DDAH1: variants seen among roughly 807,000 people sequenced by gnomAD.
DDAH1 encodes the protein N(G),N(G)-dimethylarginine dimethylaminohydrolase 1.
In DDAH1, 19 loss-of-function variants were observed where a neutral mutation model predicts 28.8. The ratio of observed to expected loss-of-function variants is 0.66; its 90% confidence interval spans 0.46 to 0.97. The LOEUF (loss-of-function observed/expected upper bound fraction) is 0.97, where lower values mean the gene tolerates loss of function less well. Ranked by LOEUF, DDAH1 falls within the 50% of genes least tolerant of loss-of-function variation. DDAH1 has a pLI of 0.00. For missense variants in DDAH1, 326 were observed against 375.9 expected, an observed-to-expected ratio of 0.87 and a Z score of 1.10; for synonymous variants, 153 against 154.4, an observed-to-expected ratio of 0.99 and a Z score of 0.07.
At chr1:85,324,912 A>C in intron 4 of DDAH1, 29 bp from the exon 5 acceptor site, 1 of 1,611,314 alleles carries the variant, frequency 6.2e-7, no homozygotes, top group Non-Finnish European at 8.5e-7. Flanking sequence ...CAGGCCTAAG[A>C]AGAGTAACTC....
chr1:85,576,496 G>A (rs1399464455), intron 1 of DDAH1, among the ~76,000 whole-genome samples: 1 of 152,176 alleles, frequency 6.6e-6, no homozygotes, highest in Non-Finnish European at 1.5e-5. Context: ...TGTCCCTTCT[G>A]GGGATAATGG....
intron 1 of DDAH1, among the ~76,000 whole-genome samples, chr1:85,528,357 C>T (rs2604084): frequency 1.3e-5 from 2 of 152,000 alleles, no homozygotes; most frequent in East Asian, 1.9e-4. Flanking sequence ...GGTCATGACC[C>T]GGAGTTTGGA....
chr1:85,498,048 T>C (rs923160609), intron 1 of DDAH1, among the ~76,000 whole-genome samples: 1 of 152,202 alleles, frequency 6.6e-6, no homozygotes, highest in African/African-American at 2.4e-5. Flanking sequence ...CAAATTATAC[T>C]TCATTAATAG....
chr1:85,544,512 C>A (rs1658561100), intron 1 of DDAH1, among the ~76,000 whole-genome samples: 1 of 152,144 alleles, frequency 6.6e-6, no homozygotes, highest in South Asian at 2.1e-4. Context: ...CCAGTGAATG[C>A]CTAACTCTGT....
intron 1 of DDAH1, among the ~76,000 whole-genome samples, chr1:85,419,375 C>T (rs1653028197): frequency 6.6e-6 from 1 of 151,730 alleles, no homozygotes; most frequent in African/African-American, 2.4e-5. Flanking sequence ...CCTGTCTCTA[C>T]TAAAAACACA....
intron 1 of DDAH1, among the ~76,000 whole-genome samples, chr1:85,573,946 C>T (rs1659527120): frequency 6.6e-6 from 1 of 152,200 alleles, no homozygotes; most frequent in African/African-American, 2.4e-5. Flanking sequence ...TAGAGATATT[C>T]AGTCCAGAGA....
At chr1:85,456,949 G>C (rs575853459) in intron 1 of DDAH1, among the ~76,000 whole-genome samples, 4 of 152,250 alleles carry the variant, frequency 2.6e-5, no homozygotes, top group African/African-American at 9.6e-5. Context: ...GTCAACTCCA[G>C]AGTGGGCTAC....
chr1:85,551,477 A>G (rs1381153333), intron 1 of DDAH1, among the ~76,000 whole-genome samples: 1 of 152,212 alleles, frequency 6.6e-6, no homozygotes, highest in African/African-American at 2.4e-5. Flanking sequence ...TTGCTCATTC[A>G]GAGTGTTAGG....
chr1:85,470,798 T>C (rs979678879), intron 2 of DDAH1, among the ~76,000 whole-genome samples: 1 of 152,148 alleles, frequency 6.6e-6, no homozygotes, highest in African/African-American at 2.4e-5. Flanking sequence ...ACACATAGCC[T>C]CCTAATCTCA....
intron 1 of DDAH1, among the ~76,000 whole-genome samples, chr1:85,450,686 C>T (rs898946917): frequency 1.3e-5 from 2 of 152,152 alleles, no homozygotes; most frequent in Non-Finnish European, 2.9e-5. Context: ...AGGTATTTTA[C>T]AGGAAACTGA....
In DDAH1 at chr1:85,464,069, G is replaced by A. The variant is rs190932178; in HGVS notation, c.303+674C>T. On this transcript the variant is annotated intron_variant, in intron 1 of 5. Coordinates refer to ENST00000284031, the MANE Select transcript of DDAH1 (RefSeq NM_012137.4). The surrounding 1 kb of genome is among the most constrained non-coding windows in gnomAD (Gnocchi z 4.4). The stretch of plus-strand genomic sequence containing the variant: ...GAAACAACCATCTCTAATTAAACAC[G>A]CTCGCTAGCACACACACCCAACACC... Among the ~76,000 whole-genome samples, 1 of 152,270 alleles carries A rather than the reference G, an allele frequency of 6.6e-6. No homozygotes were observed. The highest frequency in any genetic ancestry group is 2.4e-5 in the African/African-American group (1 of 41,542).
intron 4 of DDAH1, among the ~76,000 whole-genome samples, chr1:85,347,870 A>C (rs1053189870): frequency 6.6e-6 from 1 of 152,204 alleles, no homozygotes; most frequent in Non-Finnish European, 1.5e-5. Context: ...TGCAAACCTG[A>C]GTTTCACCAA....
At chr1:85,422,390 A>G (rs569272618) in intron 1 of DDAH1, among the ~76,000 whole-genome samples, 14 of 152,238 alleles carry the variant, frequency 9.2e-5, no homozygotes, top group African/African-American at 3.4e-4. Flanking sequence ...CATAGAGCAG[A>G]AGTTTTTAAT....
At chr1:85,337,486 C>T (rs933912439) in intron 4 of DDAH1, among the ~76,000 whole-genome samples, 7 of 150,716 alleles carry the variant, frequency 4.6e-5, no homozygotes, top group South Asian at 2.1e-4. Context: ...TGTAGTCTCA[C>T]TCTGTCACCC....
At chr1:85,565,732 A>G (rs1659277718) in intron 1 of DDAH1, among the ~76,000 whole-genome samples, 1 of 152,242 alleles carries the variant, frequency 6.6e-6, no homozygotes, top group African/African-American at 2.4e-5. Context: ...AATGGTAAAT[A>G]TAAAAGACTT....
intron 4 of DDAH1, among the ~76,000 whole-genome samples, chr1:85,346,816 G>C (rs938862455): frequency 1.3e-5 from 2 of 152,088 alleles, no homozygotes; most frequent in African/African-American, 4.8e-5. Flanking sequence ...ACTATCATCG[G>C]AGTGAACAGG....
At chr1:85,444,590 G>T (rs766210585) in intron 1 of DDAH1, among the ~76,000 whole-genome samples, 3 of 152,160 alleles carry the variant, frequency 2.0e-5, no homozygotes, top group Non-Finnish European at 4.4e-5. Context: ...CTACAATGTG[G>T]CCCCACAGGG....
At chr1:85,531,164 A>G (rs1460445155) in intron 1 of DDAH1, among the ~76,000 whole-genome samples, 1 of 152,188 alleles carries the variant, frequency 6.6e-6, no homozygotes, top group African/African-American at 2.4e-5. Context: ...CTACTCTCAC[A>G]GTTAACAGTT....
chr1:85,452,749 C>T (rs1385620621), intron 1 of DDAH1, among the ~76,000 whole-genome samples: 3 of 152,140 alleles, frequency 2.0e-5, no homozygotes, highest in Non-Finnish European at 4.4e-5. Context: ...CATAAAAGCC[C>T]ATCCCAATGA....
Sources: gnomAD v4.1 joint callset for allele counts (sites outside exome capture counted in the v4.1 genomes callset) on GRCh38, gnomAD v4.1.1 for gene constraint, Gnocchi (gnomAD v3.1) non-coding constraint, MANE v1.5 for transcripts, NCBI Gene and HGNC (gene_info 2026-07-23, HGNC 2026-07-21) for gene names.